Variants in ICA1 observed in about 807,000 individuals in gnomAD.
ICA1 encodes the protein 69 kDa islet cell autoantigen.
ICA1 carries 40 observed loss-of-function variants against 71.0 expected under a neutral mutation model. That is an observed-to-expected ratio of 0.56 (90% CI 0.44 to 0.73). The LOEUF (loss-of-function observed/expected upper bound fraction) is 0.73, where lower values mean the gene tolerates loss of function less well. Among genes scored for constraint, ICA1 ranks in the 30% least tolerant of loss-of-function variants. The probability of loss-of-function intolerance (pLI) is 0.00; values close to 1 mark genes in which losing one functional copy is unlikely to be tolerated. For synonymous variants in ICA1, 207 were observed against 209.5 expected (o/e 0.99, Z 0.10); for missense variants, 578 against 576.5 (o/e 1.00, Z -0.03).
chr7:8,199,990 G>A (rs896830494), intron 6 of ICA1, among the ~76,000 whole-genome samples: 1 of 152,098 alleles, frequency 6.6e-6, no homozygotes, highest in Non-Finnish European at 1.5e-5. Flanking sequence ...GACCTAGTAT[G>A]TGATAGCACA....
At chr7:8,162,194 G>A (rs1460013874) in intron 6 of ICA1, among the ~76,000 whole-genome samples, 2 of 152,200 alleles carry the variant, frequency 1.3e-5, no homozygotes, top group Non-Finnish European at 2.9e-5. Flanking sequence ...CAAAGCTCAT[G>A]AATTAGCGTA....
intron 1 of ICA1, among the ~76,000 whole-genome samples, chr7:8,237,414 C>T (rs1347329140): frequency 6.6e-6 from 1 of 152,124 alleles, no homozygotes; most frequent in Non-Finnish European, 1.5e-5. Flanking sequence ...TCACCATGAA[C>T]TATTAGGATA....
chr7:8,216,878 G>C (rs1050285042), intron 6 of ICA1, among the ~76,000 whole-genome samples: 3 of 152,202 alleles, frequency 2.0e-5, no homozygotes, highest in African/African-American at 7.2e-5. Flanking sequence ...GTTATTGTGA[G>C]GAGTAAAGGA....
At chr7:8,171,062 T>C (rs1421222774) in intron 6 of ICA1, among the ~76,000 whole-genome samples, 1 of 151,946 alleles carries the variant, frequency 6.6e-6, no homozygotes, top group East Asian at 1.9e-4. Flanking sequence ...GATAATAATT[T>C]TTCTTGTCTA....
intron 6 of ICA1, among the ~76,000 whole-genome samples, chr7:8,217,198 T>A (rs1246971542): frequency 6.6e-6 from 1 of 152,258 alleles, no homozygotes; most frequent in African/African-American, 2.4e-5. Context: ...AGAAGTCAGA[T>A]GTTGCTGACA....
At chr7:8,243,511 C>T (rs1465209916) in intron 1 of ICA1, among the ~76,000 whole-genome samples, 1 of 152,186 alleles carries the variant, frequency 6.6e-6, no homozygotes, top group Non-Finnish European at 1.5e-5. Flanking sequence ...TGGCACAAGA[C>T]AGGGATGTCC....
chr7:8,204,263 G>A (rs777438856), intron 6 of ICA1, among the ~76,000 whole-genome samples: 1 of 152,192 alleles, frequency 6.6e-6, no homozygotes, highest in Non-Finnish European at 1.5e-5. Context: ...TTATCGGATT[G>A]TAGTAATATG....
At chr7:8,178,275 T>C (rs969379206) in intron 6 of ICA1, among the ~76,000 whole-genome samples, 3 of 152,210 alleles carry the variant, frequency 2.0e-5, no homozygotes, top group Non-Finnish European at 4.4e-5. Flanking sequence ...CAAAGTCTGA[T>C]CTTAGATGCT....
At chr7:8,146,154 C>T (rs1356681351) in intron 8 of ICA1, among the ~76,000 whole-genome samples, 1 of 152,138 alleles carries the variant, frequency 6.6e-6, no homozygotes, top group Non-Finnish European at 1.5e-5. Flanking sequence ...GTGAACACGA[C>T]AGACAAAATT....
At position 8,152,664 on chromosome 7, in the gene ICA1, AC is replaced by A. The variant is rs1396519807; in HGVS notation, c.804+4451del. Among the ~76,000 whole-genome samples the A allele has an allele frequency of 5.9e-3, 884 of 149,610 alleles. 1 individual carries two copies. Among genetic ancestry groups the A allele is most frequent in the Non-Finnish European group, 8.7e-3 (578 of 66,792 alleles). Reference sequence around the variant, plus strand: ...CTCCTCCACCACCACCACCACCACCACCACCATTATCTCCTTCATCACCACT... The same window carrying A: ...CTCCTCCACCACCACCACCACCACCACACCATTATCTCCTTCATCACCACT... On this transcript the variant is annotated intron_variant, in intron 8 of 13. Coordinates refer to ENST00000402384, the MANE Select transcript of ICA1 (RefSeq NM_001136020.3).
At chr7:8,231,787 C>T (rs1800359383) in intron 3 of ICA1, among the ~76,000 whole-genome samples, 1 of 152,186 alleles carries the variant, frequency 6.6e-6, no homozygotes, top group Non-Finnish European at 1.5e-5. Flanking sequence ...TAATTGACAA[C>T]TAACATTTCC....
chr7:8,179,324 G>C (rs965767542), intron 6 of ICA1, among the ~76,000 whole-genome samples: 23 of 152,154 alleles, frequency 1.5e-4, no homozygotes, highest in African/African-American at 5.6e-4. Context: ...TTAAGAAGAG[G>C]CTAAATGACT....
chr7:8,257,349 G>A (rs1401345898), intron 1 of ICA1, among the ~76,000 whole-genome samples: 1 of 152,200 alleles, frequency 6.6e-6, no homozygotes, highest in Non-Finnish European at 1.5e-5. Context: ...TTCAGAAACT[G>A]ATGTCTATGC....
intron 6 of ICA1, among the ~76,000 whole-genome samples, chr7:8,190,565 T>C (rs1283175194): frequency 2.0e-5 from 3 of 152,196 alleles, no homozygotes; most frequent in Admixed American, 6.5e-5. Context: ...TTCTAACACC[T>C]CACAGAAATG....
chr7:8,238,408 T>C (rs1240384681), intron 1 of ICA1, among the ~76,000 whole-genome samples: 1 of 151,778 alleles, frequency 6.6e-6, no homozygotes. Flanking sequence ...TCTTTTCATA[T>C]TTTTTTGCCA....
At chr7:8,219,985 T>G (rs1257201932) in intron 5 of ICA1, among the ~76,000 whole-genome samples, 7 of 152,236 alleles carry the variant, frequency 4.6e-5, no homozygotes, top group African/African-American at 1.7e-4. Flanking sequence ...AGGTCCTATA[T>G]GCACAGAAAG....
At position 8,113,678 on chromosome 7, in the gene ICA1, G is replaced by C. The variant is rs1221294144; in HGVS notation, c.*245C>G. 2.7e-6 allele frequency: 1 copy of C among 368,594 alleles called. No individual in the cohort carries two copies. The highest frequency in any genetic ancestry group is 2.1e-5 in the African/African-American group (1 of 48,488). 22.8% of individuals were successfully genotyped at this position (368,594 alleles called of 1,614,324 possible). ...GCCATGATGGGATGTAGGCAGGAGA[G>C]CGGTGGCCTGGAAACCGCTTCTAGA... On this transcript the variant is annotated 3_prime_UTR_variant, in exon 14 of 14. Coordinates refer to ENST00000402384, the MANE Select transcript of ICA1 (RefSeq NM_001136020.3). The surrounding 1 kb of genome is among the most constrained non-coding windows in gnomAD (Gnocchi z 4.2).
intron 12 of ICA1, among the ~76,000 whole-genome samples, chr7:8,129,965 G>C (rs541638663): frequency 1.9e-5 from 2 of 108,060 alleles, no homozygotes; most frequent in East Asian, 7.3e-4. Context: ...TTGGTTTTTT[G>C]TCCTTGGCGA....
intron 13 of ICA1, among the ~76,000 whole-genome samples, chr7:8,120,914 G>A (rs1584177144): frequency 6.6e-6 from 1 of 152,202 alleles, no homozygotes; most frequent in East Asian, 1.9e-4. Flanking sequence ...ATCACAGCCT[G>A]GAGAGCTCTG....
Sources: allele counts gnomAD v4.1 joint callset (sites outside exome capture counted in the v4.1 genomes callset), GRCh38; gene constraint gnomAD v4.1.1; non-coding constraint Gnocchi (gnomAD v3.1); transcripts MANE v1.5; gene names NCBI Gene and HGNC (gene_info 2026-07-23, HGNC 2026-07-21).